DMRT1: variants seen among roughly 807,000 people sequenced by gnomAD.
The protein encoded by DMRT1 is doublesex and mab-3 related transcription factor 1.
Under a neutral mutation model 32.3 loss-of-function variants are expected in DMRT1, and 7 were observed. The observed-to-expected ratio is 0.22, with a 90% confidence interval of 0.12 to 0.41. The LOEUF (loss-of-function observed/expected upper bound fraction) is 0.41. Among genes scored for constraint, DMRT1 ranks in the 10% least tolerant of loss-of-function variants. The pLI is 1.00. For synonymous variants in DMRT1, 278 were observed against 206.1 expected (o/e 1.35, Z -2.99); for missense variants, 625 against 500.5 (o/e 1.25, Z -2.37).
intron 4 of DMRT1, among the ~76,000 whole-genome samples, chr9:929,289 G>A (rs773376275): frequency 1.6e-4 from 24 of 151,832 alleles, no homozygotes; most frequent in Non-Finnish European, 3.1e-4. Flanking sequence ...TAATTTTAAG[G>A]GTGGTTTCAG....
chr9:884,699 G>A (rs765129119), intron 2 of DMRT1, among the ~76,000 whole-genome samples: 2 of 152,282 alleles, frequency 1.3e-5, no homozygotes, highest in Non-Finnish European at 2.9e-5. Context: ...GGCCAGGTGC[G>A]GTGGCTCACG....
intron 3 of DMRT1, among the ~76,000 whole-genome samples, chr9:913,870 G>A (rs143606603): frequency 2.4e-4 from 36 of 150,276 alleles, no homozygotes; most frequent in African/African-American, 8.9e-4. Flanking sequence ...TCCAGCCTGG[G>A]CAACAGAGTG....
intron 4 of DMRT1, among the ~76,000 whole-genome samples, chr9:954,613 TG>T (rs59293980): frequency 0.028 from 4,225 of 150,804 alleles, 202 homozygotes; most frequent in African/African-American, 0.097. Flanking sequence ...TTTTTTTGTT[TG>T]TTTTTTTGTT....
chr9:946,527 A>G (rs1027636561), intron 4 of DMRT1, among the ~76,000 whole-genome samples: 1 of 152,170 alleles, frequency 6.6e-6, no homozygotes, highest in African/African-American at 2.4e-5. Context: ...ACAGGTCATA[A>G]GACAAGCCCC....
chr9:959,726 C>T (rs568834223), intron 4 of DMRT1, among the ~76,000 whole-genome samples: 1 of 64,052 alleles, frequency 1.6e-5, no homozygotes, highest in African/African-American at 4.7e-5. Context: ...TGGGGTTTTG[C>T]CATGTTGGCC....
At chr9:854,488 T>G (rs760760552) in intron 2 of DMRT1, among the ~76,000 whole-genome samples, 68 of 152,230 alleles carry the variant, frequency 4.5e-4, no homozygotes, top group Admixed American at 9.8e-4. Context: ...TTTGCCACGT[T>G]GGCCAGGCTG....
At chr9:939,817 A>G (rs527799849) in intron 4 of DMRT1, among the ~76,000 whole-genome samples, 59 of 152,324 alleles carry the variant, frequency 3.9e-4, no homozygotes, top group African/African-American at 1.4e-3. Flanking sequence ...CCTCCTCTGT[A>G]TGTTGTAGAA....
intron 3 of DMRT1, among the ~76,000 whole-genome samples, chr9:903,006 T>C (rs1441443176): frequency 6.6e-6 from 1 of 152,190 alleles, no homozygotes; most frequent in African/African-American, 2.4e-5. Flanking sequence ...TTAAAGCCAG[T>C]GGAATTAAAG....
intron 2 of DMRT1, among the ~76,000 whole-genome samples, chr9:879,989 G>A (rs1816665782): frequency 6.6e-6 from 1 of 152,128 alleles, no homozygotes; most frequent in South Asian, 2.1e-4. Context: ...ACATAGTGGG[G>A]GGCCATAAAT....
At chr9:861,564 A>G (rs890681157) in intron 2 of DMRT1, among the ~76,000 whole-genome samples, 3 of 145,680 alleles carry the variant, frequency 2.1e-5, no homozygotes, top group Non-Finnish European at 4.5e-5. Context: ...CCTGTTCTCA[A>G]TGAGCTGTTG....
At chr9:950,277 G>A (rs922006871) in intron 4 of DMRT1, among the ~76,000 whole-genome samples, 1 of 151,996 alleles carries the variant, frequency 6.6e-6, no homozygotes, top group Non-Finnish European at 1.5e-5. Context: ...AGATACTTGG[G>A]CAACAGATTT....
intron 2 of DMRT1, among the ~76,000 whole-genome samples, chr9:855,225 G>A (rs1330167466): frequency 1.4e-4 from 21 of 152,128 alleles, no homozygotes; most frequent in African/African-American, 4.3e-4. Context: ...AACAAAGTAC[G>A]TAGGAAGTAA....
intron 3 of DMRT1, among the ~76,000 whole-genome samples, chr9:906,968 A>T (rs762652787): frequency 1.3e-5 from 2 of 152,094 alleles, no homozygotes; most frequent in Non-Finnish European, 2.9e-5. Context: ...AATTATGAAG[A>T]CTCATGAGAT....
At chr9:895,266 A>G (rs894881518) in intron 3 of DMRT1, among the ~76,000 whole-genome samples, 2 of 152,308 alleles carry the variant, frequency 1.3e-5, no homozygotes, top group South Asian at 4.1e-4. Context: ...GTTTGTTAGC[A>G]GCAGATTGAA....
intron 2 of DMRT1, among the ~76,000 whole-genome samples, chr9:869,639 A>G (rs1414802196): frequency 6.6e-6 from 1 of 151,912 alleles, no homozygotes; most frequent in Non-Finnish European, 1.5e-5. Flanking sequence ...GTTCTCTTTG[A>G]TCTTTTATAA....
At chr9:867,909 A>T (rs1472270582) in intron 2 of DMRT1, among the ~76,000 whole-genome samples, 1 of 152,198 alleles carries the variant, frequency 6.6e-6, no homozygotes, top group East Asian at 1.9e-4. Context: ...CTGTAAATTA[A>T]GTTATACTAT....
chr9:954,247 A>G (rs1278911036), intron 4 of DMRT1, among the ~76,000 whole-genome samples: 2 of 152,148 alleles, frequency 1.3e-5, no homozygotes, highest in African/African-American at 4.8e-5. Context: ...TTATTTAGGA[A>G]AGATGTCAGA....
intron 2 of DMRT1, among the ~76,000 whole-genome samples, chr9:889,027 C>CG (rs1817041311): frequency 6.6e-6 from 1 of 151,494 alleles, no homozygotes; most frequent in South Asian, 2.1e-4. Context: ...GCGCCATTCT[C>CG]GGGGTGTATG....
chr9:876,388 A>G (rs1479718844), intron 2 of DMRT1, among the ~76,000 whole-genome samples: 1 of 152,138 alleles, frequency 6.6e-6, no homozygotes, highest in African/African-American at 2.4e-5. Context: ...AAAGGGGAAA[A>G]GGCCTAGACC....
Sources: allele counts gnomAD v4.1 joint callset (sites outside exome capture counted in the v4.1 genomes callset), GRCh38; gene constraint gnomAD v4.1.1; transcripts MANE v1.5; gene names NCBI Gene and HGNC (gene_info 2026-07-23, HGNC 2026-07-21).